The following ENTREP2 variants were observed in gnomAD, a reference collection of about 807,000 sequenced individuals.
ENTREP2 encodes the protein endosomal transmembrane epsin interactor 2, also known as protein ENTREP2.
chr15:29,586,418 A>T, the ENTREP2 span, among the ~76,000 whole-genome samples: 1 of 152,218 alleles, frequency 6.6e-6, no homozygotes, highest in East Asian at 1.9e-4. Flanking sequence ...CTATACTAAA[A>T]AACAATGAAT....
the ENTREP2 span, among the ~76,000 whole-genome samples, chr15:29,674,572 C>G: frequency 2.0e-5 from 3 of 152,066 alleles, no homozygotes; most frequent in African/African-American, 7.2e-5. Flanking sequence ...CCGGCTTGAG[C>G]ACAGACTTTT....
chr15:29,618,194 CG>C, the ENTREP2 span, among the ~76,000 whole-genome samples: 1 of 152,014 alleles, frequency 6.6e-6, no homozygotes, highest in Non-Finnish European at 1.5e-5. Flanking sequence ...GAGGCCGAGT[CG>C]GGCAGATCAC....
the ENTREP2 span, among the ~76,000 whole-genome samples, chr15:29,331,780 G>A: frequency 6.6e-6 from 1 of 152,198 alleles, no homozygotes; most frequent in African/African-American, 2.4e-5. Context: ...AAGCACAAAA[G>A]CTTTGAAACC....
At chr15:29,373,677 C>T in the ENTREP2 span, 1 of 151,032 alleles carries the variant, frequency 6.6e-6, no homozygotes, top group African/African-American at 2.4e-5. Flanking sequence ...ATTGAATCTT[C>T]TTTTGTAGAC....
chr15:29,398,450 G>A, the ENTREP2 span, among the ~76,000 whole-genome samples: 1 of 152,026 alleles, frequency 6.6e-6, no homozygotes, highest in Admixed American at 6.6e-5. Flanking sequence ...AGGGCTGGGG[G>A]CAGTGGCTCA....
the ENTREP2 span, among the ~76,000 whole-genome samples, chr15:29,555,758 A>G: frequency 6.6e-6 from 1 of 152,174 alleles, no homozygotes. Flanking sequence ...TGAGAGTTGC[A>G]TCCTTCTTTC....
At chr15:29,482,704 G>A in the ENTREP2 span, among the ~76,000 whole-genome samples, 1 of 152,136 alleles carries the variant, frequency 6.6e-6, no homozygotes, top group East Asian at 1.9e-4. Flanking sequence ...GTATTCCACT[G>A]TTTGGATATC....
At chr15:29,434,671 T>C in the ENTREP2 span, among the ~76,000 whole-genome samples, 2 of 152,128 alleles carry the variant, frequency 1.3e-5, no homozygotes, top group African/African-American at 4.8e-5. Flanking sequence ...CACACATGAA[T>C]AACCAAACTA....
the ENTREP2 span, among the ~76,000 whole-genome samples, chr15:29,409,776 T>C: frequency 6.6e-6 from 1 of 152,162 alleles, no homozygotes; most frequent in African/African-American, 2.4e-5. Context: ...TCTGTGTCTT[T>C]CGATGTTTTT....
At chr15:29,649,727 C>CAAAAAAAAAAAAAAAA in the ENTREP2 span, among the ~76,000 whole-genome samples, 1 of 66,944 alleles carries the variant, frequency 1.5e-5, no homozygotes, top group African/African-American at 5.0e-5. Flanking sequence ...TCAACAACAA[C>CAAAAAAAAAAAAAAAA]AAAAAAAAAA....
At chr15:29,639,999 C>T in the ENTREP2 span, among the ~76,000 whole-genome samples, 2 of 152,048 alleles carry the variant, frequency 1.3e-5, no homozygotes, top group East Asian at 1.9e-4. Context: ...GAACTCCTGA[C>T]GTCAGGCAGT....
At chr15:29,258,086 G>A in the ENTREP2 span, among the ~76,000 whole-genome samples, 7 of 151,942 alleles carry the variant, frequency 4.6e-5, no homozygotes, top group Non-Finnish European at 7.4e-5. Context: ...GCTGGCACGC[G>A]CCTGTAATCC....
the ENTREP2 span, among the ~76,000 whole-genome samples, chr15:29,140,195 A>T: frequency 6.6e-6 from 1 of 152,174 alleles, no homozygotes; most frequent in African/African-American, 2.4e-5. Flanking sequence ...CTGTGTTGAA[A>T]TCCTAAGGGC....
At chr15:29,175,761 T>C in the ENTREP2 span, among the ~76,000 whole-genome samples, 6 of 152,210 alleles carry the variant, frequency 3.9e-5, no homozygotes, top group Non-Finnish European at 7.3e-5. Context: ...CCCGCCACCA[T>C]GCCCGGCTAA....
At chr15:29,269,622 C>T in the ENTREP2 span, 1 of 1,568,778 alleles carries the variant, frequency 6.4e-7, no homozygotes, top group Non-Finnish European at 8.6e-7. Flanking sequence ...CCCGCGAAGC[C>T]CCGGGGTTTC....
the ENTREP2 span, among the ~76,000 whole-genome samples, chr15:29,220,143 T>G: frequency 6.6e-6 from 1 of 152,206 alleles, no homozygotes; most frequent in African/African-American, 2.4e-5. Context: ...TAGGGCTTAT[T>G]TGAGGCTGTG....
chr15:29,524,545 A>G, the ENTREP2 span, among the ~76,000 whole-genome samples: 11 of 152,212 alleles, frequency 7.2e-5, no homozygotes, highest in South Asian at 2.1e-4. Flanking sequence ...TTATAGCTCT[A>G]TTAGAAGCCG....
the ENTREP2 span, among the ~76,000 whole-genome samples, chr15:29,381,182 C>G: frequency 5.4e-5 from 8 of 148,366 alleles, no homozygotes; most frequent in East Asian, 2.2e-4. Context: ...GTTGGCCAGG[C>G]GCAGTGGCTC....
the ENTREP2 span, among the ~76,000 whole-genome samples, chr15:29,163,341 A>G: frequency 6.6e-6 from 1 of 152,204 alleles, no homozygotes; most frequent in South Asian, 2.1e-4. Flanking sequence ...AAAAGAATTC[A>G]GGAGGTTAGT....
Sources: allele counts gnomAD v4.1 joint callset (sites outside exome capture counted in the v4.1 genomes callset), GRCh38; gene constraint gnomAD v4.1.1; transcripts MANE v1.5; gene names NCBI Gene and HGNC (gene_info 2026-07-23, HGNC 2026-07-21).